KRT8: variants seen among roughly 807,000 people sequenced by gnomAD.
The protein encoded by KRT8 is keratin 8, also known as keratin, type II cytoskeletal 8.
In KRT8, 24 loss-of-function variants were observed where a neutral mutation model predicts 43.0. The ratio of observed to expected loss-of-function variants is 0.56; its 90% CI spans 0.40 to 0.78. The LOEUF is 0.78. Among genes scored for constraint, KRT8 ranks in the 30% least tolerant of loss-of-function variants. The pLI is 0.00. For synonymous variants in KRT8, 214 were observed against 261.2 expected (o/e 0.82, Z 1.74); for missense variants, 492 against 638.4 (o/e 0.77, Z 2.47).
intron 2 of KRT8, among the ~76,000 whole-genome samples, chr12:52,917,735 C>A (rs1044957143): frequency 2.0e-4 from 27 of 135,962 alleles, no homozygotes; most frequent in African/African-American, 7.2e-4. Context: ...AAAAATTCGC[C>A]AGGCGTTGTG....
intron 2 of KRT8, among the ~76,000 whole-genome samples, chr12:52,940,432 CAA>C (rs959352157): frequency 2.0e-4 from 10 of 50,798 alleles, no homozygotes; most frequent in Admixed American, 4.6e-4. Context: ...GACTCAGTCT[CAA>C]AAAAAAAAAA....
At chr12:52,938,170 A>ATATATATATATATATATATTT (rs1555189967) in intron 2 of KRT8, among the ~76,000 whole-genome samples, 2 of 30,316 alleles carry the variant, frequency 6.6e-5, no homozygotes, top group African/African-American at 2.9e-4. Context: ...ATATATATAT[A>ATATATATATATATATATATTT]TTTTTTTTTT....
chr12:52,905,268 C>T (rs142313839), upstream of KRT8, among the ~76,000 whole-genome samples: 74 of 152,220 alleles, frequency 4.9e-4, no homozygotes, highest in African/African-American at 1.7e-3. Context: ...AGCACCACCC[C>T]CAGAAACCCA....
chr12:52,939,622 T>C (rs1430457288), intron 2 of KRT8, among the ~76,000 whole-genome samples: 1 of 151,334 alleles, frequency 6.6e-6, no homozygotes, highest in Non-Finnish European at 1.5e-5. Context: ...CTTAGGAGGC[T>C]GAAGTATGAG....
intron 2 of KRT8, chr12:52,948,442 G>C (rs1472876802): frequency 6.5e-6 from 1 of 153,370 alleles, no homozygotes; most frequent in Non-Finnish European, 1.4e-5. Context: ...CAGCTAGAGG[G>C]ACTCACAGGC....
intron 2 of KRT8, among the ~76,000 whole-genome samples, chr12:52,918,499 C>T (rs933507796): frequency 5.3e-5 from 8 of 152,190 alleles, no homozygotes; most frequent in African/African-American, 1.4e-4. Context: ...AGACAGACGC[C>T]GCGCAGGTGC....
chr12:52,933,101 G>A (rs1942111318), intron 2 of KRT8, among the ~76,000 whole-genome samples: 1 of 151,898 alleles, frequency 6.6e-6, no homozygotes, highest in African/African-American at 2.4e-5. Flanking sequence ...TCACCACCAC[G>A]CCCAGCTAAT....
At chr12:52,936,250 T>TA (rs200984536) in intron 2 of KRT8, among the ~76,000 whole-genome samples, 2,143 of 151,040 alleles carry the variant, frequency 0.014, 28 homozygotes, top group South Asian at 0.041. Flanking sequence ...AGATTCCATC[T>TA]AAAAAAAACA....
At chr12:52,908,029 G>A (rs1565721399), upstream of KRT8, among the ~76,000 whole-genome samples, 1 of 152,206 alleles carries the variant, frequency 6.6e-6, no homozygotes, top group African/African-American at 2.4e-5. Context: ...CTTTCCTGGA[G>A]AGTGAACCAG....
At chr12:52,938,170 A>ATATATATATATATATTT (rs1555189967) in intron 2 of KRT8, among the ~76,000 whole-genome samples, 17 of 30,292 alleles carry the variant, frequency 5.6e-4, no homozygotes, top group African/African-American at 7.2e-4. Flanking sequence ...ATATATATAT[A>ATATATATATATATATTT]TTTTTTTTTT....
At chr12:52,926,526 A>C in intron 2 of KRT8, 1 of 1,424,786 alleles carries the variant, frequency 7.0e-7, no homozygotes, top group South Asian at 1.2e-5. Flanking sequence ...CTCTGCCGGA[A>C]GTGGCCACTC....
intron 2 of KRT8, among the ~76,000 whole-genome samples, chr12:52,934,475 G>A (rs978568348): frequency 3.3e-5 from 5 of 152,132 alleles, no homozygotes; most frequent in Non-Finnish European, 5.9e-5. Flanking sequence ...CAGGAAAATC[G>A]CTTGAACCCA....
intron 2 of KRT8, among the ~76,000 whole-genome samples, chr12:52,919,470 G>T (rs1941841724): frequency 6.6e-6 from 1 of 151,856 alleles, no homozygotes; most frequent in Non-Finnish European, 1.5e-5. Flanking sequence ...GTTTCACCAT[G>T]TTGACCAGGC....
upstream of KRT8, among the ~76,000 whole-genome samples, chr12:52,910,425 C>A (rs1294603778): frequency 6.6e-6 from 1 of 152,178 alleles, no homozygotes; most frequent in Non-Finnish European, 1.5e-5. Context: ...CAGGTTCCTG[C>A]TTAGAAAGGG....
intron 2 of KRT8, among the ~76,000 whole-genome samples, chr12:52,935,783 A>G: frequency 6.6e-6 from 1 of 152,072 alleles, no homozygotes; most frequent in East Asian, 1.9e-4. Context: ...GCTGGAATTA[A>G]CGGTGTGAAC....
upstream of KRT8, among the ~76,000 whole-genome samples, chr12:52,907,818 G>A (rs1188695691): frequency 2.0e-5 from 3 of 152,200 alleles, no homozygotes; most frequent in Non-Finnish European, 2.9e-5. Flanking sequence ...GCCCCTGCCT[G>A]GGACTTCAGG....
At chr12:52,932,867 A>G (rs1942107063) in intron 2 of KRT8, among the ~76,000 whole-genome samples, 5 of 152,166 alleles carry the variant, frequency 3.3e-5, no homozygotes, top group Admixed American at 2.6e-4. Flanking sequence ...TACTAGAACT[A>G]ATAAGAGAAT....
chr12:52,948,957 G>T, intron 2 of KRT8: 1 of 459,002 alleles, frequency 2.2e-6, no homozygotes, highest in South Asian at 5.4e-5. Context: ...GGCTTGGCAG[G>T]GCTGCGCGGA....
At chr12:52,933,221 C>G (rs1942113108) in intron 2 of KRT8, among the ~76,000 whole-genome samples, 1 of 152,186 alleles carries the variant, frequency 6.6e-6, no homozygotes, top group African/African-American at 2.4e-5. Context: ...GCTGGGATTA[C>G]AGGTGTAAGC....
Sources: gnomAD v4.1 joint callset for allele counts (sites outside exome capture counted in the v4.1 genomes callset) on GRCh38, gnomAD v4.1.1 for gene constraint, MANE v1.5 for transcripts, NCBI Gene and HGNC (gene_info 2026-07-23, HGNC 2026-07-21) for gene names.